Variants in LRRC8C observed in about 807,000 individuals in gnomAD.
LRRC8C encodes volume-regulated anion channel subunit LRRC8C.
A neutral mutation model predicts 55.3 loss-of-function variants in LRRC8C; 20 were observed. That is an observed-to-expected ratio of 0.36 (90% CI 0.25 to 0.53). The LOEUF (loss-of-function observed/expected upper bound fraction) is 0.53, where lower values mean the gene tolerates loss of function less well. Ranked by LOEUF, LRRC8C falls within the 20% of genes least tolerant of loss-of-function variation. LRRC8C has a pLI of 0.92. For synonymous variants in LRRC8C, 376 were observed against 360.7 expected (o/e 1.04, Z -0.48); for missense variants, 659 against 951.4 (o/e 0.69, Z 4.04).
intron 1 of LRRC8C, among the ~76,000 whole-genome samples, chr1:89,655,980 C>T (rs1656932511): frequency 6.6e-6 from 1 of 152,176 alleles, no homozygotes; most frequent in Admixed American, 6.5e-5. Context: ...GGAACATGTA[C>T]TTTATTATTA....
the LRRC8C span, among the ~76,000 whole-genome samples, chr1:89,623,388 T>C: frequency 1.3e-5 from 2 of 152,210 alleles, no homozygotes; most frequent in Non-Finnish European, 2.9e-5. Flanking sequence ...TAGCTCTCTA[T>C]TGAATCTTCC....
intron 1 of LRRC8C, among the ~76,000 whole-genome samples, chr1:89,657,888 A>G (rs1056995680): frequency 5.9e-5 from 9 of 152,202 alleles, no homozygotes; most frequent in Non-Finnish European, 1.3e-4. Context: ...TTTATAAACA[A>G]AAACATAGTT....
Position 89,641,002 on chromosome 1 carries a change from A to G in LRRC8C, c.-5+7680A>G, listed in dbSNP as rs1214539987. Among the ~76,000 whole-genome samples the G allele has an allele frequency of 2.6e-5, 4 of 152,332 alleles. No individual in the cohort carries two copies. In the East Asian group the frequency reaches 5.8e-4, roughly 22 times the overall value. The stretch of plus-strand genomic sequence containing the variant: ...ACCAAGCAAATGACATAAATATACT[A>G]CATTTGTATTTGTTTTGTTAAATTT... On this transcript the variant is annotated intron_variant, in intron 1 of 2. Transcript: ENST00000370454.
chr1:89,637,553 G>T (rs1656325237), intron 1 of LRRC8C, among the ~76,000 whole-genome samples: 1 of 151,968 alleles, frequency 6.6e-6, no homozygotes, highest in Non-Finnish European at 1.5e-5. Context: ...ACTGAGGCCT[G>T]CTAGATATTG....
At chr1:89,633,702 A>G (rs998309189) in intron 1 of LRRC8C, among the ~76,000 whole-genome samples, 6 of 151,994 alleles carry the variant, frequency 3.9e-5, no homozygotes, top group African/African-American at 1.2e-4. Flanking sequence ...CTACCTCGAA[A>G]ATCTCTGAGA....
intron 1 of LRRC8C, chr1:89,676,169 C>A (rs1657543080): frequency 6.6e-6 from 1 of 152,046 alleles, no homozygotes; most frequent in Admixed American, 6.6e-5. Flanking sequence ...TATTCCAAAC[C>A]ATTATTTTGT....
chr1:89,707,587 T>C (rs1203687649), intron 2 of LRRC8C, among the ~76,000 whole-genome samples: 3 of 151,704 alleles, frequency 2.0e-5, no homozygotes, highest in Non-Finnish European at 4.4e-5. Context: ...GATCCCAGCA[T>C]GAAATTTGCT....
chr1:89,660,620 A>G (rs1218396820), intron 1 of LRRC8C, among the ~76,000 whole-genome samples: 1 of 152,234 alleles, frequency 6.6e-6, no homozygotes, highest in Non-Finnish European at 1.5e-5. Context: ...TTAATTTAAT[A>G]CCAGTCCATG....
At position 89,715,599 on chromosome 1, in the gene LRRC8C, T is replaced by G. The variant is rs574114474; in HGVS notation, c.*617T>G. The G allele has an allele frequency of 1.3e-5, 2 of 152,322 alleles. No homozygotes were observed. The highest frequency in any genetic ancestry group is 1.3e-4 in the Admixed American group (2 of 15,298). 9.4% of individuals were successfully genotyped at this position (152,322 alleles called of 1,614,324 possible). A position where few individuals can be genotyped will look rare whatever the true frequency, so the allele number is the denominator to read the frequency against. On this transcript the variant is annotated 3_prime_UTR_variant, in exon 3 of 3. Coordinates refer to ENST00000370454, the MANE Select transcript of LRRC8C (RefSeq NM_032270.5). ...TTTTTGTGAGTGAAGAAAATAATCT[T>G]TAGTGGCTGGTATGTTTGAATTAGG...
chr1:89,637,367 G>A (rs541065789), intron 1 of LRRC8C, among the ~76,000 whole-genome samples: 15 of 151,408 alleles, frequency 9.9e-5, no homozygotes, highest in Admixed American at 3.3e-4. Flanking sequence ...GACTGCTTTC[G>A]TTGAAAATAA....
intron 1 of LRRC8C, among the ~76,000 whole-genome samples, chr1:89,668,816 A>T (rs1657338097): frequency 6.6e-6 from 1 of 152,190 alleles, no homozygotes; most frequent in African/African-American, 2.4e-5. Flanking sequence ...AACAGATAAC[A>T]TGTTTAATGT....
chr1:89,672,279 T>C (rs1336630397), intron 1 of LRRC8C, among the ~76,000 whole-genome samples: 1 of 152,088 alleles, frequency 6.6e-6, no homozygotes, highest in Non-Finnish European at 1.5e-5. Flanking sequence ...TCCTAACATA[T>C]ACTGTCAGAG....
At chr1:89,621,398 G>A in the LRRC8C span, among the ~76,000 whole-genome samples, 1 of 151,698 alleles carries the variant, frequency 6.6e-6, no homozygotes, top group Non-Finnish European at 1.5e-5. Flanking sequence ...GAACCCAGGA[G>A]GCGGAGCTTG....
At chr1:89,639,077 C>G (rs1338007424) in intron 1 of LRRC8C, among the ~76,000 whole-genome samples, 1 of 151,502 alleles carries the variant, frequency 6.6e-6, no homozygotes, top group Non-Finnish European at 1.5e-5. Context: ...CCTCTGCCTC[C>G]TGGGTCCAGG....
chr1:89,691,280 A>G (rs1349011944), intron 2 of LRRC8C, among the ~76,000 whole-genome samples: 1 of 152,258 alleles, frequency 6.6e-6, no homozygotes, highest in African/African-American at 2.4e-5. Context: ...ACTCAAGAAG[A>G]TAATTGAGTG....
intron 1 of LRRC8C, among the ~76,000 whole-genome samples, chr1:89,665,260 G>C (rs958826852): frequency 6.6e-6 from 1 of 152,196 alleles, no homozygotes; most frequent in Non-Finnish European, 1.5e-5. Flanking sequence ...GATATTGGCT[G>C]TGGGTTTGTC....
At chr1:89,619,966 G>A in the LRRC8C span, among the ~76,000 whole-genome samples, 3 of 152,176 alleles carry the variant, frequency 2.0e-5, no homozygotes, top group Non-Finnish European at 4.4e-5. Context: ...GATGATTAAT[G>A]ACTATAGAGT....
At chr1:89,657,830 A>C (rs910938788) in intron 1 of LRRC8C, among the ~76,000 whole-genome samples, 2 of 151,978 alleles carry the variant, frequency 1.3e-5, no homozygotes, top group Middle Eastern at 3.2e-3. Context: ...CTTCAAAAGA[A>C]GGGAAAAATT....
At chr1:89,697,040 C>A (rs1177545844) in intron 2 of LRRC8C, among the ~76,000 whole-genome samples, 2 of 152,094 alleles carry the variant, frequency 1.3e-5, no homozygotes, top group African/African-American at 4.8e-5. Context: ...ATCCAGCACA[C>A]ATAAATGACT....
Sources: gnomAD v4.1 joint callset for allele counts (sites outside exome capture counted in the v4.1 genomes callset) on GRCh38, gnomAD v4.1.1 for gene constraint, MANE v1.5 for transcripts, NCBI Gene and HGNC (gene_info 2026-07-23, HGNC 2026-07-21) for gene names.